The following STK4 variants were observed in gnomAD, a reference collection of about 807,000 sequenced individuals.
The protein encoded by STK4 is serine/threonine-protein kinase 4.
In STK4, 30 loss-of-function variants were observed where a neutral mutation model predicts 64.9. The observed-to-expected ratio is 0.46, with a 90% CI of 0.35 to 0.63. STK4 has a LOEUF of 0.63. STK4 is among the 20% of genes least tolerant of loss of function. The pLI, the probability that STK4 is intolerant of heterozygous loss-of-function variation, is 0.01. For synonymous variants in STK4, 177 were observed against 199.0 expected (o/e 0.89, Z 0.93); for missense variants, 466 against 598.5 (o/e 0.78, Z 2.31).
chr20:45,002,797 A>G (rs923096528), intron 9 of STK4, among the ~76,000 whole-genome samples: 1 of 152,186 alleles, frequency 6.6e-6, no homozygotes, highest in Admixed American at 6.5e-5. Flanking sequence ...AAGGCCATGA[A>G]AAGCAGTGAG....
intron 10 of STK4, among the ~76,000 whole-genome samples, chr20:45,070,899 A>G (rs1363410415): frequency 5.3e-5 from 8 of 151,932 alleles, no homozygotes; most frequent in Non-Finnish European, 1.2e-4. Context: ...AAAAAAAAAA[A>G]AAAAATCAGA....
chr20:45,063,070 C>A (rs1979235422), intron 10 of STK4, among the ~76,000 whole-genome samples: 1 of 121,166 alleles, frequency 8.3e-6, no homozygotes, highest in Non-Finnish European at 1.6e-5. Flanking sequence ...GTGGTGTGAT[C>A]ATGGCTCACT....
chr20:44,968,341 G>A (rs1224555092), intron 1 of STK4, among the ~76,000 whole-genome samples: 20 of 152,150 alleles, frequency 1.3e-4, no homozygotes, highest in Non-Finnish European at 2.8e-4. Context: ...GTTTCACCGT[G>A]TTAGCCAGGA....
At chr20:45,016,771 A>T (rs531733742) in intron 9 of STK4, among the ~76,000 whole-genome samples, 1 of 152,372 alleles carries the variant, frequency 6.6e-6, no homozygotes, top group South Asian at 2.1e-4. Context: ...AGAGCCAAGA[A>T]CAGCCATGAG....
intron 3 of STK4, among the ~76,000 whole-genome samples, chr20:44,980,920 G>A (rs991609881): frequency 1.3e-5 from 2 of 152,016 alleles, no homozygotes; most frequent in Non-Finnish European, 2.9e-5. Flanking sequence ...CGCCCACCTC[G>A]GCCTCCCAAA....
chr20:45,064,286 T>C (rs911481822), intron 10 of STK4, among the ~76,000 whole-genome samples: 2 of 152,180 alleles, frequency 1.3e-5, no homozygotes, highest in Non-Finnish European at 2.9e-5. Flanking sequence ...GATCTGTATG[T>C]CTGTTTTTGT....
chr20:45,005,647 CAAAAAAAAAAA>C (rs1214893882), intron 9 of STK4, among the ~76,000 whole-genome samples: 1 of 65,692 alleles, frequency 1.5e-5, no homozygotes, highest in South Asian at 4.9e-4. Flanking sequence ...GACTCTGTCT[CAAAAAAAAAAA>C]AAAAAAAAAC....
At chr20:45,056,392 T>C (rs1231729176) in intron 10 of STK4, among the ~76,000 whole-genome samples, 2 of 152,222 alleles carry the variant, frequency 1.3e-5, no homozygotes, top group African/African-American at 2.4e-5. Context: ...CATACTGTTC[T>C]GAGATTTGTT....
rs117066251 is a variant in STK4, at chr20:45,075,534, A to C, written c.*358A>C. 1 of 159,394 alleles carries C rather than the reference A, an allele frequency of 6.3e-6. No homozygotes were observed. The highest frequency in any genetic ancestry group is 2.5e-5 in the African/African-American group (1 of 40,428). 9.9% of individuals were successfully genotyped at this position (159,394 alleles called of 1,614,324 possible). ...GTTCTTTCTGGAAGACTTTTAAAAA[A>C]ATATAAATATGCATATATATATATA... On this transcript the variant is annotated 3_prime_UTR_variant, in exon 11 of 11. Transcript: ENST00000372806.
At chr20:45,041,382 T>C (rs530542425) in intron 10 of STK4, among the ~76,000 whole-genome samples, 9 of 152,150 alleles carry the variant, frequency 5.9e-5, no homozygotes, top group Non-Finnish European at 1.2e-4. Context: ...TAGTGTCCTG[T>C]CCATACTTTT....
intron 4 of STK4, among the ~76,000 whole-genome samples, chr20:44,982,699 T>C (rs6031906): frequency 0.43 from 65,678 of 151,914 alleles, 14,854 homozygotes; most frequent in Middle Eastern, 0.53. Flanking sequence ...GTCATGGGTT[T>C]TAGTTCTGGT....
chr20:45,064,033 C>G (rs1249519555), intron 10 of STK4, among the ~76,000 whole-genome samples: 1 of 151,972 alleles, frequency 6.6e-6, no homozygotes, highest in Non-Finnish European at 1.5e-5. Context: ...TGGTCTCGAT[C>G]TCTTGACCTC....
intron 5 of STK4, among the ~76,000 whole-genome samples, chr20:44,987,763 A>G (rs1312813111): frequency 6.6e-6 from 1 of 152,078 alleles, no homozygotes; most frequent in African/African-American, 2.4e-5. Context: ...GAAGTGAAAA[A>G]AGAAAAAAAA....
chr20:45,006,625 G>A (rs1251296832), intron 9 of STK4, among the ~76,000 whole-genome samples: 2 of 151,988 alleles, frequency 1.3e-5, no homozygotes, highest in Non-Finnish European at 2.9e-5. Flanking sequence ...GTATTCCTTG[G>A]GTTGTACAGG....
intron 10 of STK4, among the ~76,000 whole-genome samples, chr20:45,061,713 G>A (rs1317345570): frequency 6.6e-6 from 1 of 150,734 alleles, no homozygotes; most frequent in East Asian, 1.9e-4. Context: ...AATTAGCATA[G>A]TACCCAATAG....
At chr20:45,071,654 T>C (rs1980077721) in intron 10 of STK4, among the ~76,000 whole-genome samples, 1 of 152,240 alleles carries the variant, frequency 6.6e-6, no homozygotes, top group Admixed American at 6.5e-5. Flanking sequence ...CAGGCAGCAA[T>C]ACTTTGTGAG....
chr20:44,967,408 A>C (rs2067170069), intron 1 of STK4: 1 of 178,938 alleles, frequency 5.6e-6, no homozygotes, highest in East Asian at 1.9e-4. Flanking sequence ...TGTTTTGTGA[A>C]TATCAGCACC....
chr20:45,044,476 T>G (rs2068662173), intron 10 of STK4, among the ~76,000 whole-genome samples: 1 of 151,944 alleles, frequency 6.6e-6, no homozygotes, highest in South Asian at 2.1e-4. Flanking sequence ...TGAGACCCCA[T>G]CTCTACAAAA....
chr20:44,970,889 T>G (rs993570755), intron 1 of STK4, among the ~76,000 whole-genome samples: 1 of 148,052 alleles, frequency 6.8e-6, no homozygotes, highest in Non-Finnish European at 1.5e-5. Context: ...AGGTACACAT[T>G]TGTGTGTGTG....
Sources: gnomAD v4.1 joint callset for allele counts (sites outside exome capture counted in the v4.1 genomes callset) on GRCh38, gnomAD v4.1.1 for gene constraint, MANE v1.5 for transcripts, NCBI Gene and HGNC (gene_info 2026-07-23, HGNC 2026-07-21) for gene names.